POLH: variants seen among roughly 807,000 people sequenced by gnomAD.
POLH encodes DNA polymerase eta transcript.
POLH carries 53 observed loss-of-function variants against 73.6 expected under a neutral mutation model. The ratio of observed to expected loss-of-function variants is 0.72; its 90% CI spans 0.58 to 0.91. The LOEUF (loss-of-function observed/expected upper bound fraction) is 0.91, where lower values mean the gene tolerates loss of function less well. Ranked by LOEUF, POLH falls within the 40% of genes least tolerant of loss-of-function variation. POLH has a pLI of 0.00. For synonymous variants in POLH, 292 were observed against 308.5 expected, an observed-to-expected ratio of 0.95 and a Z score of 0.56; for missense variants, 768 against 865.4, an observed-to-expected ratio of 0.89 and a Z score of 1.41.
rs983271987 is a variant in POLH, at chr6:43,576,392, C to G, written c.-53C>G. Reference sequence around the variant, plus strand: ...TCCTTCCAGTAGGCACCGAACCCAGCATTTTCGGCAACCGCTGCTGGCAGT... The same window carrying G: ...TCCTTCCAGTAGGCACCGAACCCAGGATTTTCGGCAACCGCTGCTGGCAGT... On this transcript the variant is annotated 5_prime_UTR_variant, in exon 1 of 11. Coordinates refer to ENST00000372236, the MANE Select transcript of POLH (RefSeq NM_006502.3). The G allele has an allele frequency of 2.0e-5, 3 of 152,294 alleles. No homozygotes were observed. The highest frequency in any genetic ancestry group is 7.2e-5 in the African/African-American group (3 of 41,460). 9.4% of individuals were successfully genotyped at this position (152,294 alleles called of 1,614,324 possible). A position where few individuals can be genotyped will look rare whatever the true frequency, so the allele number is the denominator to read the frequency against.
At chr6:43,612,502 A>T (rs1767999849) in intron 10 of POLH, among the ~76,000 whole-genome samples, 1 of 151,476 alleles carries the variant, frequency 6.6e-6, no homozygotes, top group East Asian at 2.0e-4. Context: ...GCCCGCCACC[A>T]CGCCCGGCTA....
chr6:43,584,307 C>T (rs1764583007), intron 3 of POLH, among the ~76,000 whole-genome samples: 1 of 152,074 alleles, frequency 6.6e-6, no homozygotes, highest in Non-Finnish European at 1.5e-5. Flanking sequence ...AATTCTAATT[C>T]TATGAATTAG....
chr6:43,620,195 C>T lies in POLH; in HGVS notation c.*5638C>T. The T allele has an allele frequency of 2.0e-6, 1 of 505,514 alleles. No homozygotes were observed. The highest frequency in any genetic ancestry group is 3.9e-6 in the Non-Finnish European group (1 of 256,494). The allele number at this position is 505,514 out of a possible 1,614,324, so 31.3% of individuals were successfully genotyped here. ...CCAGGGCACAGAAGTGGGCTCCTTA[C>T]TATTCTGACCACTAGCAAGTGGCCA... On this transcript the variant is annotated 3_prime_UTR_variant, in exon 11 of 11. Coordinates refer to ENST00000372236, the MANE Select transcript of POLH (RefSeq NM_006502.3).
Position 43,620,316 on chromosome 6 carries a change from A to G in POLH, c.*5759A>G, listed in dbSNP as rs369035871. The G allele has an allele frequency of 1.3e-4, 65 of 516,182 alleles. No individual in the cohort carries two copies. Among genetic ancestry groups the G allele is most frequent in the African/African-American group, 1.0e-3 (53 of 51,750 alleles). The allele number at this position is 516,182 out of a possible 1,614,324, so 32.0% of individuals were successfully genotyped here. ...AAAATAGGCCACAATACTTGGTTAC[A>G]ATACTGGAACTCTGAACCTATGTGG... On this transcript the variant is annotated 3_prime_UTR_variant, in exon 11 of 11. Transcript: ENST00000372236.
chr6:43,580,919 G>T (rs1764069207), intron 1 of POLH, among the ~76,000 whole-genome samples: 1 of 151,542 alleles, frequency 6.6e-6, no homozygotes, highest in Non-Finnish European at 1.5e-5. Flanking sequence ...CTCCCGGACG[G>T]CACGGCTGGC....
intron 1 of POLH, among the ~76,000 whole-genome samples, chr6:43,579,369 T>C (rs2127766971): frequency 6.6e-6 from 1 of 152,336 alleles, no homozygotes; most frequent in African/African-American, 2.4e-5. Context: ...ATATCTTTTT[T>C]GTCCAGTCAC....
chr6:43,611,038 A>G (rs763832243), intron 10 of POLH, among the ~76,000 whole-genome samples: 4 of 152,182 alleles, frequency 2.6e-5, no homozygotes, highest in Non-Finnish European at 5.9e-5. Context: ...TACAAGTAGT[A>G]GGAATCTCTG....
At chr6:43,577,121 T>G (rs969485843) in intron 1 of POLH, among the ~76,000 whole-genome samples, 1 of 152,236 alleles carries the variant, frequency 6.6e-6, no homozygotes, top group Non-Finnish European at 1.5e-5. Flanking sequence ...GGAGGTTCAG[T>G]GAGCCGAGAT....
chr6:43,620,394 A>G lies in POLH; in HGVS notation c.*5837A>G, dbSNP rs1233788478. 2.1e-6 allele frequency: 1 copy of G among 477,008 alleles called. No individual in the cohort carries two copies. Among genetic ancestry groups the G allele is most frequent in the East Asian group, 5.7e-5 (1 of 17,690 alleles). 29.5% of individuals were successfully genotyped at this position (477,008 alleles called of 1,614,324 possible). A position where few individuals can be genotyped will look rare whatever the true frequency, so the allele number is the denominator to read the frequency against. On this transcript the variant is annotated 3_prime_UTR_variant, in exon 11 of 11. Coordinates refer to ENST00000372236, the MANE Select transcript of POLH (RefSeq NM_006502.3). Reference sequence around the variant, plus strand: ...TACCAGCTGGGCTCTTTCCACATTCAGGGCTCAGCAGTGTTGGGGTTTCAC... The same window carrying G: ...TACCAGCTGGGCTCTTTCCACATTCGGGGCTCAGCAGTGTTGGGGTTTCAC...
At chr6:43,584,740 T>A (rs1764617052) in intron 3 of POLH, among the ~76,000 whole-genome samples, 1 of 152,208 alleles carries the variant, frequency 6.6e-6, no homozygotes, top group South Asian at 2.1e-4. Context: ...CAGCTGGCTT[T>A]AAGTTGGGGT....
intron 4 of POLH, among the ~76,000 whole-genome samples, chr6:43,596,300 G>A (rs186773615): frequency 2.8e-4 from 43 of 152,222 alleles, no homozygotes; most frequent in African/African-American, 9.9e-4. Flanking sequence ...TGGCTGACAC[G>A]GTGAAACCCC....
At position 43,581,363 on chromosome 6, in the gene POLH, T is replaced by G. The variant is rs1270542276; in HGVS notation, c.-4-953T>G. Among the ~76,000 whole-genome samples the G allele has an allele frequency of 4.6e-5, 6 of 131,428 alleles. No homozygotes were observed. In the South Asian group the frequency reaches 7.8e-4, roughly 17 times the overall value. The allele number at this position is 131,428 out of a possible 152,430, so 86.2% of individuals were successfully genotyped here. On this transcript the variant is annotated intron_variant, in intron 1 of 10. Coordinates refer to ENST00000372236, the MANE Select transcript of POLH (RefSeq NM_006502.3). ...CGGCTGGGAAGAGGCGCTCCTCACTTCCTAGATGGGATGGCGGCCGGGCGG... is the reference window on the plus strand; with the variant it reads ...CGGCTGGGAAGAGGCGCTCCTCACTGCCTAGATGGGATGGCGGCCGGGCGG...
At chr6:43,589,715 G>A (rs1459727212) in intron 4 of POLH, among the ~76,000 whole-genome samples, 1 of 149,760 alleles carries the variant, frequency 6.7e-6, no homozygotes, top group Non-Finnish European at 1.5e-5. Flanking sequence ...CTATTCACAG[G>A]TGTGTAATTA....
At chr6:43,612,562 G>T (rs987863167) in intron 10 of POLH, among the ~76,000 whole-genome samples, 7 of 151,914 alleles carry the variant, frequency 4.6e-5, no homozygotes, top group Admixed American at 3.3e-4. Context: ...GGCCAGGCTG[G>T]TCTCAAATTC....
chr6:43,599,692 T>G (rs140329215), intron 5 of POLH, among the ~76,000 whole-genome samples: 1 of 151,586 alleles, frequency 6.6e-6, no homozygotes, highest in South Asian at 2.1e-4. Flanking sequence ...TCAATGTAAT[T>G]TAAACCAGAC....
chr6:43,589,236 C>T (rs192187161), intron 4 of POLH, among the ~76,000 whole-genome samples: 20 of 152,276 alleles, frequency 1.3e-4, no homozygotes, highest in Admixed American at 1.1e-3. Context: ...CTGTTACTTG[C>T]AGCGTAATCC....
At chr6:43,613,098 A>G (rs1208036667) in intron 10 of POLH, among the ~76,000 whole-genome samples, 4 of 152,254 alleles carry the variant, frequency 2.6e-5, no homozygotes, top group South Asian at 4.1e-4. Context: ...GCTCCCGGCT[A>G]TCACAAGAAT....
intron 3 of POLH, among the ~76,000 whole-genome samples, chr6:43,584,006 G>A (rs1020579426): frequency 2.6e-5 from 4 of 152,146 alleles, no homozygotes; most frequent in African/African-American, 9.7e-5. Flanking sequence ...AGCCAGGCAT[G>A]GTGGCACACA....
Position 43,620,252 on chromosome 6 carries a change from A to C in POLH, c.*5695A>C. The C allele has an allele frequency of 1.9e-6, 1 of 516,476 alleles. No individual in the cohort carries two copies. Among genetic ancestry groups the C allele is most frequent in the East Asian group, 5.5e-5 (1 of 18,136 alleles). The allele number at this position is 516,476 out of a possible 1,614,324, so 32.0% of individuals were successfully genotyped here. A position where few individuals can be genotyped will look rare whatever the true frequency, so the allele number is the denominator to read the frequency against. On this transcript the variant is annotated 3_prime_UTR_variant, in exon 11 of 11. Coordinates refer to ENST00000372236, the MANE Select transcript of POLH (RefSeq NM_006502.3). ...CAAATACAGGGTAGCTACCTATTTC[A>C]CGTGAAAGGCCTCAGTATTCTGCTC... is the stretch of plus-strand genomic sequence containing the variant.
Sources: gnomAD v4.1 joint callset for allele counts (sites outside exome capture counted in the v4.1 genomes callset) on GRCh38, gnomAD v4.1.1 for gene constraint, MANE v1.5 for transcripts, NCBI Gene and HGNC (gene_info 2026-07-23, HGNC 2026-07-21) for gene names.